KDM7A: variants seen among roughly 807,000 people sequenced by gnomAD.
KDM7A encodes the protein lysine demethylase 7A.
In KDM7A, 28 loss-of-function variants were observed where a neutral mutation model predicts 114.8. The observed-to-expected ratio is 0.24, with a 90% CI of 0.18 to 0.33. KDM7A has a LOEUF of 0.33. Ranked by LOEUF, KDM7A falls within the 10% of genes least tolerant of loss-of-function variation. The pLI is 1.00. For missense variants in KDM7A, 942 were observed against 1,142.5 expected (o/e 0.82, Z 2.53); for synonymous variants, 423 against 397.8 (o/e 1.06, Z -0.75).
At chr7:140,149,229 C>T (rs995012843) in intron 1 of KDM7A, among the ~76,000 whole-genome samples, 1 of 152,172 alleles carries the variant, frequency 6.6e-6, no homozygotes, top group Non-Finnish European at 1.5e-5. Flanking sequence ...GCTAAAAATC[C>T]TGTTGACAAG....
chr7:140,130,221 G>C (rs575819373), intron 3 of KDM7A, among the ~76,000 whole-genome samples: 1 of 152,334 alleles, frequency 6.6e-6, no homozygotes, highest in African/African-American at 2.4e-5. Context: ...CTTACAACTA[G>C]TTGTAATGAA....
intron 14 of KDM7A, 28 bp downstream of exon 14, chr7:140,098,851 C>A: frequency 6.4e-7 from 1 of 1,567,602 alleles, no homozygotes; most frequent in East Asian, 2.2e-5. Flanking sequence ...ATCAAAAGAT[C>A]TTTAAAATAA....
At chr7:140,098,565 CTTTT>C (rs1344889718) in intron 14 of KDM7A, among the ~76,000 whole-genome samples, 7 of 152,112 alleles carry the variant, frequency 4.6e-5, no homozygotes, top group Admixed American at 4.6e-4. Context: ...AAACTTGAAA[CTTTT>C]ATTTTGGGGA....
At chr7:140,091,361 A>AG (rs1818016708) in intron 19 of KDM7A, among the ~76,000 whole-genome samples, 173 bp from the exon 20 acceptor site, 2 of 152,128 alleles carry the variant, frequency 1.3e-5, no homozygotes, top group Non-Finnish European at 2.9e-5. Flanking sequence ...TCATCACACT[A>AG]GGCCCTCACA....
At chr7:140,100,737 T>TACAC (rs1562946160) in intron 12 of KDM7A, among the ~76,000 whole-genome samples, 16 of 50,158 alleles carry the variant, frequency 3.2e-4, no homozygotes, top group South Asian at 2.2e-3. Context: ...TATATATATA[T>TACAC]ATATACATAT....
At chr7:140,111,613 CTT>C (rs1311966734) in intron 10 of KDM7A, among the ~76,000 whole-genome samples, 1 of 152,048 alleles carries the variant, frequency 6.6e-6, no homozygotes, top group Non-Finnish European at 1.5e-5. Context: ...AATTTTTGTA[CTT>C]TTTTTTCTTT....
rs776540097 is a variant in KDM7A, at chr7:140,111,151, T to G, written c.1372A>C (p.Asn458His). 2.5e-6 allele frequency: 4 copies of G among 1,608,562 alleles called. No individual in the cohort carries two copies. Residue 458 changes from asparagine (N) to histidine (H), a missense_variant, in exon 11 of 20, where the codon AAT becomes CAT. Transcript: ENST00000397560. ...VSEHAFEIPD[N>H]VRPGHLIKEL... The stretch of plus-strand genomic sequence containing the variant: ...TTAATAAGGTGTCCAGGTCTAACAT[T>G]GTCTGGAATTTCAAAGGCATGTTCA...
chr7:140,163,086 CCGGGTTCA>C (rs1163930473), intron 1 of KDM7A, among the ~76,000 whole-genome samples: 2 of 150,420 alleles, frequency 1.3e-5, no homozygotes, highest in Non-Finnish European at 3.0e-5. Context: ...GCTCCTCCTC[CCGGGTTCA>C]CGCCATTCTC....
chr7:140,116,712 T>C (rs1182271360), intron 9 of KDM7A, among the ~76,000 whole-genome samples: 3 of 142,342 alleles, frequency 2.1e-5, no homozygotes, highest in African/African-American at 7.9e-5. Context: ...AAAGTAAATA[T>C]AAACACACAT....
chr7:140,092,089 G>C lies in KDM7A; in HGVS notation c.2458-12C>G, dbSNP rs764707583. ...CTTCTACTTAGATCCTGAAGGAGGA[G>C]GAAGGACATGAGGCTGAATTTTTAG... is the stretch of plus-strand genomic sequence containing the variant. On this transcript the variant is annotated splice_polypyrimidine_tract_variant and intron_variant, in intron 18 of 19. Transcript: ENST00000397560. 3 of 1,613,344 alleles carry C rather than the reference G, an allele frequency of 1.9e-6. No individual in the cohort carries two copies. The South Asian group carries it at 3.3e-5, about 18-fold the overall frequency.
intron 18 of KDM7A, 92 bp from the exon 19 acceptor site, chr7:140,092,169 G>T: frequency 1.7e-6 from 2 of 1,160,624 alleles, no homozygotes; most frequent in Non-Finnish European, 2.5e-6. Context: ...AGTGAGAGAA[G>T]AAACAAACTA....
At chr7:140,165,081 G>C (rs1018247377) in intron 1 of KDM7A, among the ~76,000 whole-genome samples, 1 of 152,234 alleles carries the variant, frequency 6.6e-6, no homozygotes, top group Admixed American at 6.5e-5. Flanking sequence ...CTTTTTAAAA[G>C]ACAAATTAAA....
chr7:140,112,483 T>C (rs1165405322), intron 10 of KDM7A, among the ~76,000 whole-genome samples: 1 of 151,900 alleles, frequency 6.6e-6, no homozygotes, highest in Non-Finnish European at 1.5e-5. Context: ...TGGTGGTGCG[T>C]GCCTGTAGTC....
At chr7:140,166,335 C>CT (rs746518929) in intron 1 of KDM7A, among the ~76,000 whole-genome samples, 2,881 of 128,600 alleles carry the variant, frequency 0.022, 54 homozygotes, top group African/African-American at 0.041. Context: ...CTTTTTTTTC[C>CT]TTTTTTTTTT....
At chr7:140,100,397 C>G (rs1450792880) in intron 12 of KDM7A, among the ~76,000 whole-genome samples, 1 of 151,996 alleles carries the variant, frequency 6.6e-6, no homozygotes, top group Non-Finnish European at 1.5e-5. Context: ...CTGGGCCTTT[C>G]CATTCACCCA....
intron 19 of KDM7A, 115 bp from the exon 20 acceptor site, chr7:140,091,303 T>A: frequency 1.3e-6 from 1 of 742,774 alleles, no homozygotes; most frequent in African/African-American, 1.7e-5. Flanking sequence ...GTGTTCTGCA[T>A]GGACAGAGTC....
intron 11 of KDM7A, among the ~76,000 whole-genome samples, chr7:140,105,283 T>C (rs569552790): frequency 6.6e-6 from 1 of 152,320 alleles, no homozygotes; most frequent in Non-Finnish European, 1.5e-5. Flanking sequence ...CCTTTATTTC[T>C]TTCTCCTGCC....
chr7:140,164,215 T>C (rs1329176778), intron 1 of KDM7A, among the ~76,000 whole-genome samples: 1 of 151,988 alleles, frequency 6.6e-6, no homozygotes, highest in African/African-American at 2.4e-5. Flanking sequence ...ATCCAGAAAG[T>C]GGGAATTTTT....
At chr7:140,147,110 AACATTTT>A (rs1304074804) in intron 1 of KDM7A, among the ~76,000 whole-genome samples, 2 of 152,138 alleles carry the variant, frequency 1.3e-5, no homozygotes, top group Non-Finnish European at 2.9e-5. Context: ...AAAGTCCTTC[AACATTTT>A]ACTGATACAC....
Sources: gnomAD v4.1 joint callset for allele counts (sites outside exome capture counted in the v4.1 genomes callset) on GRCh38, gnomAD v4.1.1 for gene constraint, MANE v1.5 for transcripts, NCBI Gene and HGNC (gene_info 2026-07-23, HGNC 2026-07-21) for gene names.